CRIM1: variants seen among roughly 807,000 people sequenced by gnomAD.
The protein encoded by CRIM1 is cysteine-rich motor neuron 1 protein.
Under a neutral mutation model 116.4 loss-of-function variants are expected in CRIM1, and 32 were observed. That is an observed-to-expected ratio of 0.27 (90% CI 0.21 to 0.37). The LOEUF is 0.37. Among genes scored for constraint, CRIM1 ranks in the 10% least tolerant of loss-of-function variants. The pLI is 1.00. For missense variants in CRIM1, 1,331 were observed against 1,354.8 expected (o/e 0.98, Z 0.28); for synonymous variants, 590 against 509.2 (o/e 1.16, Z -2.13).
chr2:36,416,915 G>C (rs1049782713), intron 2 of CRIM1, among the ~76,000 whole-genome samples: 1 of 152,258 alleles, frequency 6.6e-6, no homozygotes, highest in Non-Finnish European at 1.5e-5. Context: ...CAGCTGTGCA[G>C]CTGAAGCCAT....
chr2:36,449,705 C>T (rs979103555), intron 4 of CRIM1, among the ~76,000 whole-genome samples: 5 of 151,958 alleles, frequency 3.3e-5, no homozygotes, highest in Non-Finnish European at 4.4e-5. Flanking sequence ...GAACCCAAGC[C>T]GCTAGCGACA....
intron 16 of CRIM1, 142 bp downstream of exon 16, chr2:36,547,313 G>C: frequency 1.5e-6 from 1 of 661,986 alleles, no homozygotes; most frequent in Non-Finnish European, 2.7e-6. Flanking sequence ...CCAGGCTATA[G>C]TATGAATCAA....
intron 5 of CRIM1, among the ~76,000 whole-genome samples, chr2:36,474,627 G>C (rs1299706493): frequency 6.6e-6 from 1 of 152,028 alleles, no homozygotes; most frequent in African/African-American, 2.4e-5. Context: ...AGGCCAAGGT[G>C]GTTGGATCAC....
intron 14 of CRIM1, among the ~76,000 whole-genome samples, chr2:36,538,007 G>T (rs1312568886): frequency 6.6e-6 from 1 of 152,136 alleles, no homozygotes; most frequent in Non-Finnish European, 1.5e-5. Context: ...TACTTCATCA[G>T]TTCCAGCCAG....
chr2:36,514,517 A>G (rs1272354397), intron 11 of CRIM1, among the ~76,000 whole-genome samples: 1 of 152,224 alleles, frequency 6.6e-6, no homozygotes, highest in Non-Finnish European at 1.5e-5. Flanking sequence ...CATTTGGAAA[A>G]CAGACACAGA....
chr2:36,399,184 T>C (rs1672246551), intron 2 of CRIM1, among the ~76,000 whole-genome samples: 1 of 152,206 alleles, frequency 6.6e-6, no homozygotes, highest in African/African-American at 2.4e-5. Context: ...GTCTTAAACA[T>C]TGTGCAACAA....
At chr2:36,375,613 TA>T (rs1009286250) in intron 1 of CRIM1, among the ~76,000 whole-genome samples, 1 of 152,216 alleles carries the variant, frequency 6.6e-6, no homozygotes, top group African/African-American at 2.4e-5. Flanking sequence ...ATAATTAGTG[TA>T]AGATATATAC....
At chr2:36,545,939 T>C (rs1572977619) in intron 15 of CRIM1, among the ~76,000 whole-genome samples, 1 of 152,194 alleles carries the variant, frequency 6.6e-6, no homozygotes, top group African/African-American at 2.4e-5. Flanking sequence ...TAAAGTTTTA[T>C]TGCCATCTGC....
chr2:36,468,550 T>G, intron 5 of CRIM1, among the ~76,000 whole-genome samples: 1 of 152,180 alleles, frequency 6.6e-6, no homozygotes, highest in East Asian at 1.9e-4. Flanking sequence ...ATGATTATGT[T>G]TCTTTTATGT....
At chr2:36,431,519 C>T (rs931586853) in intron 2 of CRIM1, among the ~76,000 whole-genome samples, 3 of 152,266 alleles carry the variant, frequency 2.0e-5, no homozygotes, top group East Asian at 3.9e-4. Flanking sequence ...CTCTGGGACT[C>T]GGGAATTTTT....
At chr2:36,454,296 C>T (rs1029808556) in intron 4 of CRIM1, among the ~76,000 whole-genome samples, 4 of 152,122 alleles carry the variant, frequency 2.6e-5, no homozygotes, top group African/African-American at 9.7e-5. Context: ...ATCTGGAATG[C>T]CTTCCCTCTG....
chr2:36,488,593 T>C (rs942862931), intron 7 of CRIM1, among the ~76,000 whole-genome samples: 1 of 152,172 alleles, frequency 6.6e-6, no homozygotes, highest in African/African-American at 2.4e-5. Flanking sequence ...ATATTTTGAG[T>C]TTAAGTTGAT....
intron 7 of CRIM1, among the ~76,000 whole-genome samples, chr2:36,488,106 A>G (rs530624394): frequency 6.6e-6 from 1 of 152,222 alleles, no homozygotes. Context: ...CACATTGCTT[A>G]ATATATGAGG....
chr2:36,456,173 A>G (rs2840167), intron 4 of CRIM1, among the ~76,000 whole-genome samples: 76,129 of 151,594 alleles, frequency 0.5, 20,306 homozygotes, highest in African/African-American at 0.69. Context: ...TTAATAGTCA[A>G]CCTCCCATTG....
chr2:36,377,722 TACTC>T (rs1464096331), intron 1 of CRIM1, among the ~76,000 whole-genome samples: 4 of 152,204 alleles, frequency 2.6e-5, no homozygotes, highest in African/African-American at 4.8e-5. Context: ...ACATAGCACA[TACTC>T]ATTCATGCTT....
chr2:36,356,446 C>T lies in CRIM1; in HGVS notation c.154C>T (p.Pro52Ser), dbSNP rs2148258533. 1.2e-6 allele frequency: 2 copies of T among 1,612,202 alleles called. No homozygotes were observed. The highest frequency in any genetic ancestry group is 8.5e-7 in the Non-Finnish European group (1 of 1,179,766). Reference protein sequence around the residue: ...ESKCEEPRNCPGSIVQGVCGC... With the variant: ...ESKCEEPRNCSGSIVQGVCGC... Reference sequence around the variant, plus strand: ...CAAGTGCGAGGAGCCCAGGAACTGCCCGGGGAGCATCGTGCAGGGCGTCTG... The same window carrying T: ...CAAGTGCGAGGAGCCCAGGAACTGCTCGGGGAGCATCGTGCAGGGCGTCTG... Residue 52 changes from proline to serine, a missense_variant, in exon 1 of 17, where the codon CCG (proline) becomes TCG (serine). Around this residue, in one of 3 missense-constraint regions of CRIM1, gnomAD observed 690 missense variants for 676.0 expected, o/e 1.02. Transcript: ENST00000280527. The surrounding 1 kb of genome is among the most constrained non-coding windows in gnomAD (Gnocchi z 4.3).
intron 4 of CRIM1, among the ~76,000 whole-genome samples, chr2:36,460,526 AT>A (rs1677497115): frequency 6.6e-6 from 1 of 152,200 alleles, no homozygotes; most frequent in Non-Finnish European, 1.5e-5. Context: ...GTGAATACTT[AT>A]CGTAAGTGAA....
chr2:36,417,647 C>G (rs1673722303), intron 2 of CRIM1, among the ~76,000 whole-genome samples: 1 of 152,032 alleles, frequency 6.6e-6, no homozygotes, highest in South Asian at 2.1e-4. Context: ...TATGAAGATC[C>G]AGAATAAATT....
intron 7 of CRIM1, among the ~76,000 whole-genome samples, chr2:36,495,801 A>G (rs893574147): frequency 6.6e-5 from 10 of 152,104 alleles, no homozygotes; most frequent in African/African-American, 2.4e-4. Context: ...TTATATAATA[A>G]TATGTTGGAC....
Sources: gnomAD v4.1 joint callset for allele counts (sites outside exome capture counted in the v4.1 genomes callset) on GRCh38, gnomAD v4.1.1 for gene constraint, gnomAD v4.1.1 regional missense constraint, Gnocchi (gnomAD v3.1) non-coding constraint, MANE v1.5 for transcripts, NCBI Gene and HGNC (gene_info 2026-07-23, HGNC 2026-07-21) for gene names.